Variants in SUGCT observed in about 807,000 individuals in gnomAD.
SUGCT encodes succinyl-CoA:glutarate-CoA transferase, also known as succinyl-CoA:glutarate CoA-transferase.
In SUGCT, 41 loss-of-function variants were observed where a neutral mutation model predicts 55.0. The ratio of observed to expected loss-of-function variants is 0.74; its 90% confidence interval spans 0.58 to 0.97. The LOEUF (loss-of-function observed/expected upper bound fraction) is 0.97. Ranked by LOEUF, SUGCT falls within the 50% of genes least tolerant of loss-of-function variation. SUGCT has a pLI of 0.00. For synonymous variants in SUGCT, 187 were observed against 200.4 expected (o/e 0.93, Z 0.56); for missense variants, 568 against 547.8 (o/e 1.04, Z -0.37).
intron 3 of SUGCT, among the ~76,000 whole-genome samples, chr7:40,187,800 G>A (rs1044282430): frequency 6.6e-6 from 1 of 152,154 alleles, no homozygotes; most frequent in Admixed American, 6.5e-5. Flanking sequence ...GGGCATGGTG[G>A]TGCACGCCTG....
chr7:40,949,796 T>A, the SUGCT span, among the ~76,000 whole-genome samples: 1 of 152,210 alleles, frequency 6.6e-6, no homozygotes. Context: ...AGGGCTCTGT[T>A]CTGTTCCACT....
chr7:40,599,399 A>G (rs1036701847), intron 12 of SUGCT, among the ~76,000 whole-genome samples: 14 of 152,210 alleles, frequency 9.2e-5, no homozygotes, highest in African/African-American at 3.4e-4. Flanking sequence ...ACCAAATTGC[A>G]GTGGTTTACT....
At chr7:40,825,166 T>C (rs983126846) in intron 13 of SUGCT, among the ~76,000 whole-genome samples, 6 of 152,180 alleles carry the variant, frequency 3.9e-5, no homozygotes, top group Admixed American at 6.5e-5. Flanking sequence ...TTGCATTTCT[T>C]TGGATAGAAT....
the SUGCT span, among the ~76,000 whole-genome samples, chr7:40,933,502 C>T: frequency 6.6e-6 from 1 of 152,166 alleles, no homozygotes; most frequent in Non-Finnish European, 1.5e-5. Flanking sequence ...TGGGGAAGTT[C>T]TCCTGGATAA....
At chr7:40,392,403 T>C (rs1785488992) in intron 9 of SUGCT, among the ~76,000 whole-genome samples, 1 of 152,136 alleles carries the variant, frequency 6.6e-6, no homozygotes, top group South Asian at 2.1e-4. Context: ...CTAGGATTCA[T>C]GAATCTTAAA....
intron 12 of SUGCT, among the ~76,000 whole-genome samples, chr7:40,635,407 A>G (rs1163722905): frequency 1.3e-5 from 2 of 152,246 alleles, no homozygotes. Flanking sequence ...TCAGGGGATG[A>G]ACTGAGACAT....
chr7:40,487,339 A>G (rs1182808172), intron 11 of SUGCT, among the ~76,000 whole-genome samples: 1 of 139,496 alleles, frequency 7.2e-6, no homozygotes, highest in Non-Finnish European at 1.5e-5. Flanking sequence ...ACTCCTGACC[A>G]CATGAGATCC....
At chr7:40,696,485 A>G (rs1362776099) in intron 12 of SUGCT, among the ~76,000 whole-genome samples, 1 of 152,098 alleles carries the variant, frequency 6.6e-6, no homozygotes, top group African/African-American at 2.4e-5. Context: ...AATGCTTCTC[A>G]CCCCTGTGCT....
intron 12 of SUGCT, among the ~76,000 whole-genome samples, chr7:40,710,677 A>T (rs984520365): frequency 1.3e-5 from 2 of 152,216 alleles, no homozygotes; most frequent in African/African-American, 4.8e-5. Flanking sequence ...AGTCTAGGAA[A>T]AAAAGAGATG....
At chr7:40,959,502 G>A in the SUGCT span, among the ~76,000 whole-genome samples, 1 of 152,122 alleles carries the variant, frequency 6.6e-6, no homozygotes, top group Non-Finnish European at 1.5e-5. Context: ...CTCAGTAATG[G>A]TGGATGACCC....
At chr7:40,778,099 A>G (rs1203079981) in intron 13 of SUGCT, among the ~76,000 whole-genome samples, 1 of 152,242 alleles carries the variant, frequency 6.6e-6, no homozygotes, top group East Asian at 1.9e-4. Flanking sequence ...ACTGGGACAC[A>G]GCATCTCTGA....
chr7:40,360,269 C>T (rs571204186), intron 9 of SUGCT, among the ~76,000 whole-genome samples: 1 of 152,338 alleles, frequency 6.6e-6, no homozygotes, highest in East Asian at 1.9e-4. Flanking sequence ...CCGCCTTGGC[C>T]TCCCAAAGTG....
chr7:40,220,399 G>A (rs1787954683), intron 6 of SUGCT, among the ~76,000 whole-genome samples: 1 of 152,180 alleles, frequency 6.6e-6, no homozygotes, highest in Admixed American at 6.5e-5. Flanking sequence ...TTTGCAACTT[G>A]ACTATATCAG....
At chr7:40,398,910 A>G (rs750139428) in intron 9 of SUGCT, among the ~76,000 whole-genome samples, 1 of 152,156 alleles carries the variant, frequency 6.6e-6, no homozygotes, top group Non-Finnish European at 1.5e-5. Context: ...TTGAATGTGT[A>G]CTACATACTT....
chr7:40,139,282 C>T (rs774751826), intron 1 of SUGCT, among the ~76,000 whole-genome samples: 1 of 152,174 alleles, frequency 6.6e-6, no homozygotes, highest in Non-Finnish European at 1.5e-5. Context: ...ACTGCAACCT[C>T]CACCTCCTGG....
intron 1 of SUGCT, among the ~76,000 whole-genome samples, chr7:40,174,426 A>G (rs1784826293): frequency 6.6e-6 from 1 of 152,206 alleles, no homozygotes. Flanking sequence ...CCTGGCTAAG[A>G]ATATTATAAT....
At chr7:40,688,885 TA>T (rs1207690514) in intron 12 of SUGCT, among the ~76,000 whole-genome samples, 1 of 151,856 alleles carries the variant, frequency 6.6e-6, no homozygotes, top group South Asian at 2.1e-4. Flanking sequence ...GTTCATATTT[TA>T]AAAAAAAATT....
intron 1 of SUGCT, among the ~76,000 whole-genome samples, chr7:40,147,236 A>G (rs946265088): frequency 6.6e-6 from 1 of 151,990 alleles, no homozygotes; most frequent in African/African-American, 2.4e-5. Context: ...GGGAGTTCTG[A>G]ATATTTTTCT....
intron 12 of SUGCT, among the ~76,000 whole-genome samples, chr7:40,553,561 T>A (rs904202840): frequency 6.6e-6 from 1 of 152,254 alleles, no homozygotes; most frequent in African/African-American, 2.4e-5. Flanking sequence ...TTTCTAAATA[T>A]AGATATTTAT....
Sources: allele counts gnomAD v4.1 joint callset (sites outside exome capture counted in the v4.1 genomes callset), GRCh38; gene constraint gnomAD v4.1.1; transcripts MANE v1.5; gene names NCBI Gene and HGNC (gene_info 2026-07-23, HGNC 2026-07-21).